Variants in PIWIL1 observed in about 807,000 individuals in gnomAD.
PIWIL1 encodes piwi-like protein 1.
Under a neutral mutation model 114.4 loss-of-function variants are expected in PIWIL1, and 73 were observed. The ratio of observed to expected loss-of-function variants is 0.64; its 90% CI spans 0.53 to 0.78. The LOEUF (loss-of-function observed/expected upper bound fraction) is 0.78, where lower values mean the gene tolerates loss of function less well. Ranked by LOEUF, PIWIL1 falls within the 30% of genes least tolerant of loss-of-function variation. The pLI is 0.00. For synonymous variants in PIWIL1, 375 were observed against 369.0 expected (o/e 1.02, Z -0.19); for missense variants, 723 against 1,063.1 (o/e 0.68, Z 4.45).
the PIWIL1 span, among the ~76,000 whole-genome samples, chr12:130,409,699 C>T: frequency 6.5e-4 from 99 of 152,230 alleles, no homozygotes; most frequent in African/African-American, 2.2e-3. Flanking sequence ...CTGAGATTCA[C>T]CCCTGTCACT....
At chr12:130,416,972 G>C in the PIWIL1 span, among the ~76,000 whole-genome samples, 4 of 151,830 alleles carry the variant, frequency 2.6e-5, no homozygotes. Context: ...TTTAAAAAAT[G>C]TATAAAAATA....
chr12:130,394,325 G>A, the PIWIL1 span, among the ~76,000 whole-genome samples: 5 of 152,208 alleles, frequency 3.3e-5, no homozygotes, highest in Admixed American at 2.6e-4. Flanking sequence ...CAAGGGCCTG[G>A]AGTCCGACTG....
the PIWIL1 span, among the ~76,000 whole-genome samples, chr12:130,401,541 A>C: frequency 6.7e-6 from 1 of 150,156 alleles, no homozygotes; most frequent in Non-Finnish European, 1.5e-5. Context: ...GCCCCGCCCC[A>C]CTCTTCTGCT....
chr12:130,418,310 T>C, the PIWIL1 span, among the ~76,000 whole-genome samples: 1 of 152,328 alleles, frequency 6.6e-6, no homozygotes, highest in Admixed American at 6.5e-5. Flanking sequence ...TATGATTTTG[T>C]TGATAGTCCA....
rs140875302 is a variant in PIWIL1, at chr12:130,350,665, A to G, written c.1044+698A>G. On this transcript the variant is annotated intron_variant, in intron 9 of 20. Coordinates refer to ENST00000245255, the MANE Select transcript of PIWIL1 (RefSeq NM_004764.5). ...TCCTTAGAACGTCACATTCCATTTG[A>G]TATGTTAAAAGCGCAGGAAGATTAT... 3.4e-3 allele frequency among the ~76,000 whole-genome samples: 512 copies of G among 152,294 alleles called. 1 individual carries two copies. The highest frequency in any genetic ancestry group is 5.9e-3 in the Non-Finnish European group (398 of 68,026).
the PIWIL1 span, chr12:130,424,197 C>T: frequency 2.4e-6 from 3 of 1,232,082 alleles, no homozygotes; most frequent in South Asian, 4.1e-5. The surrounding 1 kb of genome is among the most constrained non-coding windows in gnomAD (Gnocchi z 9.8). Context: ...AGCTGCCCTA[C>T]TGTCGGGCAT....
the PIWIL1 span, chr12:130,397,372 C>T: frequency 7.5e-6 from 3 of 398,900 alleles, no homozygotes; most frequent in African/African-American, 6.2e-5. Flanking sequence ...CATTTCACTG[C>T]ACCCAGCTTT....
the PIWIL1 span, among the ~76,000 whole-genome samples, chr12:130,413,289 A>C: frequency 6.6e-6 from 1 of 151,938 alleles, no homozygotes; most frequent in African/African-American, 2.4e-5. Context: ...CCCCTCTCCT[A>C]CTGAACAGCA....
At chr12:130,421,576 G>A in the PIWIL1 span, among the ~76,000 whole-genome samples, 3 of 152,150 alleles carry the variant, frequency 2.0e-5, no homozygotes, top group African/African-American at 7.2e-5. Context: ...ATTCCAGGTG[G>A]CTTTTCAGTG....
intron 14 of PIWIL1, among the ~76,000 whole-genome samples, chr12:130,359,770 G>A (rs1198421013): frequency 6.6e-5 from 10 of 152,164 alleles, no homozygotes; most frequent in Non-Finnish European, 1.5e-4. Flanking sequence ...GAGATCTGCT[G>A]AGGGAACATG....
chr12:130,396,654 G>T, the PIWIL1 span: 2 of 152,572 alleles, frequency 1.3e-5, no homozygotes, highest in Admixed American at 1.3e-4. Context: ...GAAGATAATC[G>T]GCTTTCTGGA....
At chr12:130,422,450 A>G in the PIWIL1 span, 2 of 1,601,364 alleles carry the variant, frequency 1.2e-6, no homozygotes, top group African/African-American at 2.7e-5. This position sits in a 1 kb window ranked among gnomAD's most constrained non-coding sequence, Gnocchi z 5.2. Flanking sequence ...TGGGGCCACT[A>G]ACCGATGGAT....
the PIWIL1 span, among the ~76,000 whole-genome samples, chr12:130,400,123 TCA>T: frequency 6.6e-5 from 10 of 152,244 alleles, no homozygotes; most frequent in East Asian, 1.6e-3. Context: ...TTGGCAGATC[TCA>T]TTTAGTGGTT....
At chr12:130,365,814 T>C (rs1467183193) in intron 18 of PIWIL1, among the ~76,000 whole-genome samples, 1 of 152,236 alleles carries the variant, frequency 6.6e-6, no homozygotes, top group Non-Finnish European at 1.5e-5. Flanking sequence ...GGCCCTATGC[T>C]GAACTTAATC....
chr12:130,386,335 A>G, the PIWIL1 span, among the ~76,000 whole-genome samples: 1 of 152,074 alleles, frequency 6.6e-6, no homozygotes, highest in East Asian at 1.9e-4. Flanking sequence ...CCTTAATAAT[A>G]AGCCCCCTTG....
chr12:130,407,761 C>T, the PIWIL1 span: 19 of 1,614,096 alleles, frequency 1.2e-5, no homozygotes, highest in Middle Eastern at 1.6e-4. Flanking sequence ...TCTCTGGGGT[C>T]GTAGTCATAC....
Position 130,356,922 on chromosome 12 carries a change from A to G in PIWIL1, c.1409A>G (p.Asp470Gly). The change falls in exon 13 of 21, where the codon GAT (aspartate) becomes GGT (glycine). Residue 470 changes from aspartate to glycine, a missense_variant. Physicochemically the swap from Asp to Gly is moderately conservative, Grantham distance 94. This residue lies in a region of PIWIL1 where 298 missense variants were observed against 420.8 expected (regional missense o/e 0.71). Transcript: ENST00000245255. ...TGTGTCTGAACTCTCTTCTAGTTTG[A>G]TTACAATCCACAATTTGCAGATTGG... Reference protein sequence around the residue: ...EKIHQGGKTFDYNPQFADWSK... With the variant: ...EKIHQGGKTFGYNPQFADWSK... 6.2e-7 allele frequency: 1 copy of G among 1,606,804 alleles called. No individual in the cohort carries two copies. Among genetic ancestry groups the G allele is most frequent in the Non-Finnish European group, 8.5e-7 (1 of 1,175,498 alleles).
At chr12:130,424,713 G>A in the PIWIL1 span, 2 of 1,232,258 alleles carry the variant, frequency 1.6e-6, no homozygotes, top group Non-Finnish European at 2.0e-6. The surrounding 1 kb of genome is among the most constrained non-coding windows in gnomAD (Gnocchi z 9.8). Context: ...GGACGGCCCT[G>A]CACCCTGCTT....
At chr12:130,405,060 A>C in the PIWIL1 span, among the ~76,000 whole-genome samples, 1 of 152,208 alleles carries the variant, frequency 6.6e-6, no homozygotes, top group African/African-American at 2.4e-5. Context: ...GTGGAAAGTG[A>C]AACTATAAAA....
Sources: allele counts gnomAD v4.1 joint callset (sites outside exome capture counted in the v4.1 genomes callset), GRCh38; gene constraint gnomAD v4.1.1; regional missense constraint gnomAD v4.1.1; non-coding constraint Gnocchi (gnomAD v3.1); transcripts MANE v1.5; gene names NCBI Gene and HGNC (gene_info 2026-07-23, HGNC 2026-07-21).